Variants in GABRR3 observed in about 807,000 individuals in gnomAD.
GABRR3 encodes the protein gamma-aminobutyric acid type A receptor subunit rho3, also known as gamma-aminobutyric acid receptor subunit rho-3.
Under a neutral mutation model 43.2 loss-of-function variants are expected in GABRR3, and 29 were observed. That is an observed-to-expected ratio of 0.67 (90% CI 0.50 to 0.92). The LOEUF is 0.92. GABRR3 is among the 40% of genes least tolerant of loss of function. The probability of loss-of-function intolerance (pLI) is 0.00; values close to 1 mark genes in which losing one functional copy is unlikely to be tolerated. For synonymous variants in GABRR3, 206 were observed against 195.9 expected (o/e 1.05, Z -0.43); for missense variants, 576 against 572.3 (o/e 1.01, Z -0.07).
chr3:97,985,735 A>T (rs903433361), downstream of GABRR3, among the ~76,000 whole-genome samples: 5 of 152,236 alleles, frequency 3.3e-5, no homozygotes, highest in African/African-American at 1.2e-4. Context: ...ACAAAATGCG[A>T]GATGTTATTA....
chr3:98,030,818 A>C (rs988530772), intron 2 of GABRR3, among the ~76,000 whole-genome samples: 24 of 152,198 alleles, frequency 1.6e-4, no homozygotes, highest in African/African-American at 5.5e-4. Context: ...ATGTAGGCAA[A>C]ATTTTAAAAA....
chr3:98,026,702 C>T (rs1050994938), intron 2 of GABRR3, among the ~76,000 whole-genome samples: 1 of 151,910 alleles, frequency 6.6e-6, no homozygotes, highest in Non-Finnish European at 1.5e-5. Context: ...TAAGTGGATC[C>T]TAGTCATTCT....
chr3:97,991,928 A>C (rs1045983353), intron 9 of GABRR3, among the ~76,000 whole-genome samples: 1 of 152,196 alleles, frequency 6.6e-6, no homozygotes, highest in Non-Finnish European at 1.5e-5. Flanking sequence ...CATGGGATGT[A>C]TATGTATACA....
At chr3:98,001,441 C>T in intron 8 of GABRR3, 174 bp downstream of exon 8, 3 of 635,792 alleles carry the variant, frequency 4.7e-6, no homozygotes, top group Non-Finnish European at 8.1e-6. Flanking sequence ...GGAAAGAACT[C>T]AATTACAATT....
chr3:97,987,554 G>A (rs1706404011), intron 9 of GABRR3, among the ~76,000 whole-genome samples: 1 of 152,174 alleles, frequency 6.6e-6, no homozygotes, highest in South Asian at 2.1e-4. Context: ...TGAACAAATA[G>A]AGAGAGGCTA....
chr3:98,017,701 A>C (rs1706888157), exon 4 of GABRR3: 5 of 1,610,806 alleles, frequency 3.1e-6, no homozygotes, highest in Admixed American at 1.7e-5. Flanking sequence ...ATGGACATCT[A>C]TACCTACTGG....
exon 1 of GABRR3, chr3:98,035,253 G>C (rs750049349): frequency 2.2e-5 from 9 of 415,168 alleles, no homozygotes; most frequent in Non-Finnish European, 3.5e-5. Flanking sequence ...TACATCCTTT[G>C]GTCCCTTTTT....
At chr3:98,020,079 C>A (rs1263176396) in intron 3 of GABRR3, among the ~76,000 whole-genome samples, 1 of 151,954 alleles carries the variant, frequency 6.6e-6, no homozygotes, top group African/African-American at 2.4e-5. Flanking sequence ...TAAATCTTCC[C>A]AATAATTCCA....
intron 4 of GABRR3, among the ~76,000 whole-genome samples, chr3:98,016,929 A>G (rs1271245182): frequency 6.6e-6 from 1 of 152,202 alleles, no homozygotes. Flanking sequence ...AAAAATAGCC[A>G]AAGTGATTAA....
chr3:98,004,005 C>T (rs1264287778), intron 7 of GABRR3, among the ~76,000 whole-genome samples: 1 of 151,978 alleles, frequency 6.6e-6, no homozygotes, highest in East Asian at 1.9e-4. Flanking sequence ...ATTAGTTTGC[C>T]ATACAGTAGA....
At chr3:98,009,545 A>T (rs888393247) in intron 5 of GABRR3, among the ~76,000 whole-genome samples, 1 of 152,178 alleles carries the variant, frequency 6.6e-6, no homozygotes, top group Non-Finnish European at 1.5e-5. Flanking sequence ...TTATAGATCT[A>T]TGTGCACAAT....
exon 10 of GABRR3, chr3:97,986,914 C>T: frequency 1.9e-6 from 3 of 1,611,794 alleles, no homozygotes; most frequent in Non-Finnish European, 2.5e-6. Context: ...CCATGTCAAT[C>T]TCGCTGTCAT....
At chr3:98,028,524 TCAA>T (rs1471883104) in intron 2 of GABRR3, among the ~76,000 whole-genome samples, 1 of 152,168 alleles carries the variant, frequency 6.6e-6, no homozygotes, top group Non-Finnish European at 1.5e-5. Context: ...ATCCGCTATC[TCAA>T]CAACAATATT....
At chr3:98,003,177 C>T (rs1178465876) in intron 7 of GABRR3, among the ~76,000 whole-genome samples, 1 of 152,018 alleles carries the variant, frequency 6.6e-6, no homozygotes, top group Non-Finnish European at 1.5e-5. Flanking sequence ...ATCACAGCCC[C>T]AATTTATTAC....
At chr3:97,992,793 G>A in intron 9 of GABRR3, 59 bp downstream of exon 9, 1 of 1,460,526 alleles carries the variant, frequency 6.8e-7, no homozygotes, top group South Asian at 1.4e-5. Context: ...GAGGGCAATA[G>A]ATAAGGGTAG....
downstream of GABRR3, among the ~76,000 whole-genome samples, chr3:97,986,249 T>C (rs1049429683): frequency 6.6e-6 from 1 of 152,230 alleles, no homozygotes. Context: ...TGTGTGAGTG[T>C]GGATGATACC....
chr3:97,994,799 A>G (rs1284849663), intron 8 of GABRR3, among the ~76,000 whole-genome samples: 1 of 152,220 alleles, frequency 6.6e-6, no homozygotes, highest in Non-Finnish European at 1.5e-5. Flanking sequence ...GTCAGAGCAG[A>G]GTGCAAATTC....
chr3:98,010,229 GAGGC>G (rs1489346714), intron 5 of GABRR3, among the ~76,000 whole-genome samples: 4 of 152,324 alleles, frequency 2.6e-5, no homozygotes, highest in African/African-American at 7.2e-5. Flanking sequence ...CAGTAGAAAA[GAGGC>G]ACAGGGCAGA....
chr3:98,023,211 A>C (rs2107247443), intron 3 of GABRR3, among the ~76,000 whole-genome samples: 1 of 152,282 alleles, frequency 6.6e-6, no homozygotes, highest in African/African-American at 2.4e-5. Context: ...TCTACATTCA[A>C]GGATAGTCAT....
Sources: gnomAD v4.1 joint callset for allele counts (sites outside exome capture counted in the v4.1 genomes callset) on GRCh38, gnomAD v4.1.1 for gene constraint, MANE v1.5 for transcripts, NCBI Gene and HGNC (gene_info 2026-07-23, HGNC 2026-07-21) for gene names.